The following UBTD2 variants were observed in gnomAD, a reference collection of about 807,000 sequenced individuals.
UBTD2 encodes ubiquitin domain containing 2.
A neutral mutation model predicts 19.8 loss-of-function variants in UBTD2; 9 were observed. The observed-to-expected ratio is 0.46, with a 90% CI of 0.27 to 0.79. The LOEUF (loss-of-function observed/expected upper bound fraction) is 0.79, where lower values mean the gene tolerates loss of function less well. Ranked by LOEUF, UBTD2 falls within the 30% of genes least tolerant of loss-of-function variation. UBTD2 has a pLI of 0.14. For synonymous variants in UBTD2, 98 were observed against 103.9 expected (o/e 0.94, Z 0.35); for missense variants, 250 against 300.4 (o/e 0.83, Z 1.24).
chr5:172,214,753 C>G (rs1468056789), intron 2 of UBTD2, among the ~76,000 whole-genome samples: 1 of 152,104 alleles, frequency 6.6e-6, no homozygotes, highest in Non-Finnish European at 1.5e-5. Context: ...ATGGAATTTT[C>G]TAGTTTATTC....
chr5:172,265,806 A>G (rs1044059281), intron 1 of UBTD2, among the ~76,000 whole-genome samples: 1 of 152,226 alleles, frequency 6.6e-6, no homozygotes, highest in Non-Finnish European at 1.5e-5. Flanking sequence ...CAGTGCTTAC[A>G]ATATTCTGGG....
At chr5:172,218,786 AAAATAAAAAAAT>A (rs1771594878) in intron 2 of UBTD2, among the ~76,000 whole-genome samples, 3 of 137,868 alleles carry the variant, frequency 2.2e-5, no homozygotes, top group African/African-American at 6.0e-5. Context: ...AAAAAAAAAA[AAAATAAAAAAAT>A]AAAAAAAAAA....
intron 1 of UBTD2, among the ~76,000 whole-genome samples, chr5:172,238,383 A>G (rs1189216810): frequency 6.6e-6 from 1 of 152,204 alleles, no homozygotes; most frequent in Admixed American, 6.5e-5. Context: ...CTATGAATTA[A>G]CATATGAGAA....
intron 1 of UBTD2, chr5:172,242,493 G>T: frequency 5.5e-6 from 5 of 907,620 alleles, no homozygotes; most frequent in Non-Finnish European, 6.6e-6. Context: ...AATGTGTGAA[G>T]ACATTTTAAC....
intron 1 of UBTD2, among the ~76,000 whole-genome samples, chr5:172,264,586 C>T (rs1755336293): frequency 6.7e-6 from 1 of 150,284 alleles, no homozygotes; most frequent in Admixed American, 6.6e-5. Context: ...ACAAAACAAC[C>T]CAAGGGGCTA....
chr5:172,227,371 T>C lies in UBTD2; in HGVS notation c.307+6751A>G, dbSNP rs563543791. On this transcript the variant is annotated intron_variant, in intron 2 of 2. Coordinates refer to ENST00000393792, the MANE Select transcript of UBTD2 (RefSeq NM_152277.3). ...TGAGGATAGAGAGAGAAAAATGATA[T>C]AACATTTATTTTATGGTTAATCAGT... 1.8e-4 allele frequency among the ~76,000 whole-genome samples: 28 copies of C among 152,278 alleles called. No homozygotes were observed. In the East Asian group the frequency reaches 5.2e-3, roughly 28 times the overall value.
At chr5:172,215,803 G>A (rs566807904) in intron 2 of UBTD2, among the ~76,000 whole-genome samples, 4 of 152,248 alleles carry the variant, frequency 2.6e-5, no homozygotes, top group South Asian at 2.1e-4. Context: ...AATAAAGAAC[G>A]CCTTTGATGG....
chr5:172,259,421 G>A (rs1755222494), intron 1 of UBTD2, among the ~76,000 whole-genome samples: 1 of 152,084 alleles, frequency 6.6e-6, no homozygotes. Context: ...GATTACAGGA[G>A]TGAGCCATCG....
chr5:172,236,966 T>G (rs1288917969), intron 1 of UBTD2, among the ~76,000 whole-genome samples: 1 of 152,228 alleles, frequency 6.6e-6, no homozygotes, highest in East Asian at 1.9e-4. Context: ...CTTACAAATG[T>G]GAGGTAGGTT....
chr5:172,232,663 T>C (rs4041423), intron 2 of UBTD2, among the ~76,000 whole-genome samples: 49,189 of 151,508 alleles, frequency 0.32, 8,063 homozygotes, highest in South Asian at 0.42. Context: ...GAGTTCGAGA[T>C]CATCTGGGCA....
intron 1 of UBTD2, chr5:172,242,439 A>G (rs899473202): frequency 4.1e-6 from 4 of 985,402 alleles, no homozygotes; most frequent in East Asian, 1.1e-4. Context: ...GTAGGCCAGC[A>G]TTTCTCAGCT....
intron 2 of UBTD2, among the ~76,000 whole-genome samples, chr5:172,216,106 G>A (rs111447934): frequency 4.6e-5 from 7 of 152,030 alleles, no homozygotes; most frequent in Admixed American, 2.0e-4. Context: ...GGCAGAGGTC[G>A]CAGTGAGCTG....
intron 1 of UBTD2, among the ~76,000 whole-genome samples, chr5:172,281,565 C>A (rs959455885): frequency 9.2e-5 from 14 of 152,144 alleles, no homozygotes; most frequent in African/African-American, 3.4e-4. Context: ...GTTTGAAAAG[C>A]TAGGGATCTG....
At chr5:172,252,658 G>A (rs1755048077) in intron 1 of UBTD2, among the ~76,000 whole-genome samples, 1 of 152,116 alleles carries the variant, frequency 6.6e-6, no homozygotes, top group Admixed American at 6.6e-5. Context: ...TCTATCTGAA[G>A]TTTCCTCTGC....
At chr5:172,277,810 A>G (rs953732328) in intron 1 of UBTD2, among the ~76,000 whole-genome samples, 1 of 151,662 alleles carries the variant, frequency 6.6e-6, no homozygotes, top group Admixed American at 6.6e-5. Flanking sequence ...CATATATTTG[A>G]TAAGGGTTCA....
At chr5:172,261,251 T>C (rs1237033948) in intron 1 of UBTD2, among the ~76,000 whole-genome samples, 1 of 152,228 alleles carries the variant, frequency 6.6e-6, no homozygotes, top group Non-Finnish European at 1.5e-5. Flanking sequence ...AACACTTTCA[T>C]GTAATCTCCT....
chr5:172,244,972 G>A (rs747107975), intron 1 of UBTD2, among the ~76,000 whole-genome samples: 6 of 151,954 alleles, frequency 3.9e-5, no homozygotes, highest in Non-Finnish European at 7.4e-5. Context: ...CAGGTGATCC[G>A]CCTGCCTCGG....
intron 1 of UBTD2, 79 bp from the exon 2 acceptor site, chr5:172,234,437 C>A: frequency 8.3e-7 from 1 of 1,203,592 alleles, no homozygotes; most frequent in South Asian, 1.3e-5. Flanking sequence ...TCATTCCTCT[C>A]TTGGATTATT....
chr5:172,253,692 T>A (rs1446399505), intron 1 of UBTD2, among the ~76,000 whole-genome samples: 1 of 151,884 alleles, frequency 6.6e-6, no homozygotes, highest in East Asian at 1.9e-4. Flanking sequence ...GACTTCATGA[T>A]CCTCCTGCCC....
Sources: allele counts gnomAD v4.1 joint callset (sites outside exome capture counted in the v4.1 genomes callset), GRCh38; gene constraint gnomAD v4.1.1; transcripts MANE v1.5; gene names NCBI Gene and HGNC (gene_info 2026-07-23, HGNC 2026-07-21).